The following GTF2IRD1 variants were observed in gnomAD, a reference collection of about 807,000 sequenced individuals.
GTF2IRD1 encodes GTF2I repeat domain containing 1, also known as general transcription factor II-I repeat domain-containing protein 1.
GTF2IRD1 carries 26 observed loss-of-function variants against 113.2 expected under a neutral mutation model. That is an observed-to-expected ratio of 0.23 (90% CI 0.17 to 0.32). GTF2IRD1 has a LOEUF of 0.32. Among genes scored for constraint, GTF2IRD1 ranks in the 10% least tolerant of loss-of-function variants. The pLI is 1.00. For missense variants in GTF2IRD1, 864 were observed against 1,280.8 expected (o/e 0.67, Z 4.97); for synonymous variants, 484 against 529.1 (o/e 0.91, Z 1.17).
chr7:74,527,476 A>G (rs587736109), intron 8 of GTF2IRD1, among the ~76,000 whole-genome samples: 1 of 151,966 alleles, frequency 6.6e-6, no homozygotes, highest in Admixed American at 6.5e-5. Flanking sequence ...GGCTGTTAGC[A>G]AGACCCTGTC....
chr7:74,530,255 C>T (rs587713815), intron 9 of GTF2IRD1, among the ~76,000 whole-genome samples: 109 of 152,120 alleles, frequency 7.2e-4, no homozygotes, highest in African/African-American at 2.5e-3. Flanking sequence ...CCTTCTGCTC[C>T]GGGCTTGGCT....
At chr7:74,508,401 T>C (rs1796420375) in intron 2 of GTF2IRD1, among the ~76,000 whole-genome samples, 198 bp downstream of exon 2, 1 of 152,160 alleles carries the variant, frequency 6.6e-6, no homozygotes, top group African/African-American at 2.4e-5. Flanking sequence ...CATAAAAATC[T>C]AGCCCTGGGG....
At chr7:74,461,346 G>A (rs1207876433) in intron 1 of GTF2IRD1, among the ~76,000 whole-genome samples, 1 of 152,184 alleles carries the variant, frequency 6.6e-6, no homozygotes, top group Non-Finnish European at 1.5e-5. Context: ...TTGTGTCTTA[G>A]ATGGTTGGCC....
At chr7:74,598,323 A>G (rs1449108477) in intron 25 of GTF2IRD1, among the ~76,000 whole-genome samples, 1 of 152,100 alleles carries the variant, frequency 6.6e-6, no homozygotes, top group African/African-American at 2.4e-5. Context: ...AGAGGAGGCC[A>G]GTCGCGGTGG....
chr7:74,487,431 G>T (rs1795096205), intron 1 of GTF2IRD1: 1 of 152,178 alleles, frequency 6.6e-6, no homozygotes, highest in African/African-American at 2.4e-5. Flanking sequence ...CACCCAAAGT[G>T]TAACACCTGT....
chr7:74,529,998 C>G (rs1797864657), intron 9 of GTF2IRD1, 81 bp downstream of exon 9: 7 of 1,056,918 alleles, frequency 6.6e-6, no homozygotes, highest in Non-Finnish European at 9.8e-6. Context: ...TCGCTTGAGG[C>G]CAGGAGTTCG....
chr7:74,578,943 T>A (rs587662706), intron 22 of GTF2IRD1, among the ~76,000 whole-genome samples: 12 of 148,636 alleles, frequency 8.1e-5, no homozygotes, highest in African/African-American at 3.0e-4. Flanking sequence ...GCTGAGATCA[T>A]GCCACTGCAC....
chr7:74,543,761 C>T (rs587661678), intron 14 of GTF2IRD1, among the ~76,000 whole-genome samples: 2 of 148,524 alleles, frequency 1.3e-5, no homozygotes, highest in East Asian at 4.0e-4. Flanking sequence ...AGTAGCCAGC[C>T]GTGGTGGTAC....
chr7:74,597,774 A>G (rs777961713), intron 25 of GTF2IRD1, among the ~76,000 whole-genome samples: 2 of 152,238 alleles, frequency 1.3e-5, no homozygotes, highest in African/African-American at 4.8e-5. Context: ...CAGGCCACAT[A>G]GTGAGTCAGA....
chr7:74,601,501 A>G, intron 26 of GTF2IRD1: 1 of 1,430,296 alleles, frequency 7.0e-7, no homozygotes, highest in Non-Finnish European at 9.1e-7. Flanking sequence ...TGGCGGGTGC[A>G]GTGGCTCACG....
intron 25 of GTF2IRD1, among the ~76,000 whole-genome samples, chr7:74,597,188 G>A (rs1288488366): frequency 1.3e-5 from 2 of 151,674 alleles, no homozygotes; most frequent in Admixed American, 6.6e-5. Context: ...GATTACAGGC[G>A]CCTGCCACCA....
intron 22 of GTF2IRD1, among the ~76,000 whole-genome samples, chr7:74,579,181 C>T (rs1375887225): frequency 2.0e-5 from 3 of 152,158 alleles, no homozygotes; most frequent in African/African-American, 7.2e-5. Flanking sequence ...ATTAGCCAGA[C>T]GTGGTGGTAT....
intron 22 of GTF2IRD1, among the ~76,000 whole-genome samples, chr7:74,568,651 A>AAAAAAG (rs1562877933): frequency 6.6e-6 from 1 of 151,358 alleles, no homozygotes; most frequent in African/African-American, 2.4e-5. Flanking sequence ...CTGTCTCAAA[A>AAAAAAG]AAGAAGAAGA....
At chr7:74,529,048 G>A (rs587688585) in intron 8 of GTF2IRD1, among the ~76,000 whole-genome samples, 2 of 152,188 alleles carry the variant, frequency 1.3e-5, no homozygotes, top group South Asian at 2.1e-4. Context: ...TGGATTTCTA[G>A]GAGAAAGGGA....
intron 16 of GTF2IRD1, among the ~76,000 whole-genome samples, chr7:74,546,218 C>CTT (rs1222914895): frequency 3.2e-4 from 40 of 126,486 alleles, no homozygotes; most frequent in African/African-American, 4.7e-4. Context: ...CCATGTTTTT[C>CTT]TTTTTTTTTT....
At chr7:74,575,741 C>G (rs782320727) in intron 22 of GTF2IRD1, among the ~76,000 whole-genome samples, 2 of 152,086 alleles carry the variant, frequency 1.3e-5, no homozygotes, top group Non-Finnish European at 2.9e-5. Context: ...GCAGGAGAAG[C>G]TGGTGGGGCA....
chr7:74,468,202 T>C (rs1253883192), intron 1 of GTF2IRD1, among the ~76,000 whole-genome samples: 2 of 151,982 alleles, frequency 1.3e-5, no homozygotes, highest in Admixed American at 6.6e-5. Flanking sequence ...ATATAGCAAA[T>C]ATCTAAATAT....
intron 1 of GTF2IRD1, among the ~76,000 whole-genome samples, chr7:74,475,213 C>T (rs1051315135): frequency 5.9e-5 from 9 of 152,234 alleles, no homozygotes; most frequent in Admixed American, 3.9e-4. Flanking sequence ...TATGATCACG[C>T]CATTGCGATC....
intron 7 of GTF2IRD1, among the ~76,000 whole-genome samples, 192 bp from the exon 8 acceptor site, chr7:74,523,879 G>A (rs1400120203): frequency 6.6e-6 from 1 of 152,308 alleles, no homozygotes; most frequent in East Asian, 1.9e-4. Context: ...TGTTAGGGCA[G>A]GAACGGGCAG....
Sources: gnomAD v4.1 joint callset for allele counts (sites outside exome capture counted in the v4.1 genomes callset) on GRCh38, gnomAD v4.1.1 for gene constraint, MANE v1.5 for transcripts, NCBI Gene and HGNC (gene_info 2026-07-23, HGNC 2026-07-21) for gene names.